The following CDH8 variants were observed in gnomAD, a reference collection of about 807,000 sequenced individuals.
The protein encoded by CDH8 is cadherin-8.
Under a neutral mutation model 68.1 loss-of-function variants are expected in CDH8, and 17 were observed. That is an observed-to-expected ratio of 0.25 (90% CI 0.17 to 0.37). The LOEUF (loss-of-function observed/expected upper bound fraction) is 0.37, where lower values mean the gene tolerates loss of function less well. Ranked by LOEUF, CDH8 falls within the 10% of genes least tolerant of loss-of-function variation. The probability of loss-of-function intolerance (pLI) is 1.00; values close to 1 mark genes in which losing one functional copy is unlikely to be tolerated. For missense variants in CDH8, 763 were observed against 999.3 expected (o/e 0.76, Z 3.19); for synonymous variants, 372 against 365.1 (o/e 1.02, Z -0.21).
chr16:61,821,869 T>C (rs1394460046), intron 5 of CDH8, among the ~76,000 whole-genome samples: 1 of 151,982 alleles, frequency 6.6e-6, no homozygotes, highest in Non-Finnish European at 1.5e-5. Context: ...GCTGTTGGTG[T>C]CCCAATCATA....
chr16:61,814,681 T>C (rs1221197748), intron 7 of CDH8, among the ~76,000 whole-genome samples: 1 of 152,176 alleles, frequency 6.6e-6, no homozygotes, highest in Non-Finnish European at 1.5e-5. Flanking sequence ...AAATAATGCA[T>C]AGCTATGTGT....
intron 2 of CDH8, among the ~76,000 whole-genome samples, chr16:61,922,454 T>C: frequency 6.6e-6 from 1 of 152,264 alleles, no homozygotes; most frequent in East Asian, 1.9e-4. Context: ...TAAAAAGACA[T>C]ATAAAGAGAG....
In CDH8 at chr16:61,653,465, C is replaced by T. The variant is rs1963369499; in HGVS notation, c.*143G>A. ...TTTATTTTATTATCTTTTTTTGGTT[C>T]AACATTAAAATGTGGTTGAGTTTAT... On this transcript the variant is annotated 3_prime_UTR_variant, in exon 12 of 12. Coordinates refer to ENST00000577390, the MANE Select transcript of CDH8 (RefSeq NM_001796.5). 4 of 1,439,918 alleles carry T rather than the reference C, an allele frequency of 2.8e-6. No homozygotes were observed. Among genetic ancestry groups the T allele is most frequent in the South Asian group, 1.6e-5 (1 of 60,868 alleles). 89.2% of individuals were successfully genotyped at this position (1,439,918 alleles called of 1,614,324 possible).
intron 2 of CDH8, among the ~76,000 whole-genome samples, chr16:61,937,311 T>C (rs1355244991): frequency 2.0e-5 from 3 of 152,126 alleles, no homozygotes; most frequent in Non-Finnish European, 4.4e-5. Context: ...ATTTCTACCA[T>C]AGGAAAGATC....
At chr16:61,959,984 G>GTATGTATATATATATA (rs1555524808) in intron 2 of CDH8, among the ~76,000 whole-genome samples, 1 of 44,556 alleles carries the variant, frequency 2.2e-5, no homozygotes, top group Non-Finnish European at 4.0e-5. Flanking sequence ...GTGTGTGTGT[G>GTATGTATATATATATA]TATATATATA....
At chr16:61,803,520 G>A (rs1961712258) in intron 7 of CDH8, among the ~76,000 whole-genome samples, 1 of 151,732 alleles carries the variant, frequency 6.6e-6, no homozygotes, top group African/African-American at 2.4e-5. Flanking sequence ...ACACAGACTG[G>A]CAAATTGGAT....
intron 7 of CDH8, among the ~76,000 whole-genome samples, chr16:61,810,489 A>G (rs1474055330): frequency 6.6e-6 from 1 of 152,162 alleles, no homozygotes; most frequent in Admixed American, 6.5e-5. Context: ...AGAGAGAGAG[A>G]GAGAGAGAAA....
intron 2 of CDH8, among the ~76,000 whole-genome samples, chr16:61,968,642 T>C (rs1440965804): frequency 6.6e-6 from 1 of 152,264 alleles, no homozygotes; most frequent in Non-Finnish European, 1.5e-5. Flanking sequence ...ATTTAATAAA[T>C]GAGGCATCGT....
intron 2 of CDH8, among the ~76,000 whole-genome samples, chr16:62,019,947 G>A (rs1270349159): frequency 1.3e-5 from 2 of 152,096 alleles, no homozygotes; most frequent in Non-Finnish European, 2.9e-5. Context: ...TCATTGATAC[G>A]CCTCCTGTGT....
intron 4 of CDH8, among the ~76,000 whole-genome samples, chr16:61,849,321 G>GA (rs111348421): frequency 0.044 from 6,126 of 140,732 alleles, 401 homozygotes; most frequent in African/African-American, 0.15. Context: ...TGCATTAAAA[G>GA]AAAAAAAAAA....
chr16:61,791,302 T>A (rs1272816042), intron 7 of CDH8, among the ~76,000 whole-genome samples: 2 of 151,952 alleles, frequency 1.3e-5, no homozygotes, highest in Admixed American at 6.6e-5. Context: ...TGAGGATGTG[T>A]TTATTGCAAA....
At chr16:61,808,607 G>A (rs1202037494) in intron 7 of CDH8, among the ~76,000 whole-genome samples, 6 of 152,244 alleles carry the variant, frequency 3.9e-5, no homozygotes, top group Admixed American at 3.3e-4. Flanking sequence ...ATTGCAGGTA[G>A]CTGGATCCTA....
intron 2 of CDH8, 71 bp downstream of exon 2, chr16:62,021,081 A>G: frequency 7.6e-7 from 1 of 1,322,256 alleles, no homozygotes; most frequent in South Asian, 1.3e-5. Flanking sequence ...CACAATTAAA[A>G]AGAGTCTGGT....
rs528071260 is a variant in CDH8, at chr16:61,744,766, G to C, written c.1415-17551C>G. On this transcript the variant is annotated intron_variant, in intron 8 of 11. Transcript: ENST00000577390. The stretch of plus-strand genomic sequence containing the variant: ...ATATACATATCCTTGATTCATTAAA[G>C]TATATCTTAAATAATGTATCAAACA... 3.0e-4 allele frequency among the ~76,000 whole-genome samples: 45 copies of C among 151,006 alleles called. 1 individual carries two copies. The highest frequency in any genetic ancestry group is 1.9e-3 in the South Asian group (9 of 4,780).
intron 2 of CDH8, among the ~76,000 whole-genome samples, chr16:61,927,861 G>A (rs1384889134): frequency 1.3e-5 from 2 of 152,184 alleles, no homozygotes; most frequent in African/African-American, 4.8e-5. Context: ...AACAAGAAGA[G>A]TAGGCTAGTT....
chr16:61,745,672 G>A (rs867420321), intron 8 of CDH8, among the ~76,000 whole-genome samples: 4 of 149,310 alleles, frequency 2.7e-5, no homozygotes, highest in African/African-American at 4.9e-5. Flanking sequence ...TTAACACACC[G>A]GATTTTTCAG....
chr16:61,844,445 A>T (rs2143009456), intron 4 of CDH8, among the ~76,000 whole-genome samples: 1 of 152,318 alleles, frequency 6.6e-6, no homozygotes, highest in African/African-American at 2.4e-5. Context: ...TTTAAAAAAA[A>T]GTTTATATGT....
At chr16:62,034,407 C>T (rs1187003571) in intron 1 of CDH8, among the ~76,000 whole-genome samples, 1 of 152,080 alleles carries the variant, frequency 6.6e-6, no homozygotes, top group Non-Finnish European at 1.5e-5. Context: ...ATATAGTTTT[C>T]CAGTTGAAAA....
chr16:61,785,316 G>A (rs1336136655), intron 8 of CDH8, among the ~76,000 whole-genome samples: 52 of 104,432 alleles, frequency 5.0e-4, no homozygotes, highest in African/African-American at 1.9e-3. Flanking sequence ...ACACCTCTAC[G>A]CAAATAAACT....
Sources: gnomAD v4.1 joint callset for allele counts (sites outside exome capture counted in the v4.1 genomes callset) on GRCh38, gnomAD v4.1.1 for gene constraint, MANE v1.5 for transcripts, NCBI Gene and HGNC (gene_info 2026-07-23, HGNC 2026-07-21) for gene names.